The following TMEM223 variants were observed in gnomAD, a reference collection of about 807,000 sequenced individuals.
TMEM223 encodes the protein transmembrane protein 223.
TMEM223 carries 14 observed loss-of-function variants against 14.1 expected under a neutral mutation model. That is an observed-to-expected ratio of 0.99 (90% CI 0.66 to 1.55). TMEM223 has a LOEUF of 1.55. TMEM223 is among the 40% of genes most tolerant of loss of function. TMEM223 has a pLI of 0.00. For synonymous variants in TMEM223, 145 were observed against 120.5 expected, an observed-to-expected ratio of 1.20 and a Z score of -1.33; for missense variants, 346 against 269.9, an observed-to-expected ratio of 1.28 and a Z score of -1.97.
At chr11:62,775,700 G>C in intron 1 of TMEM223, 1 of 1,472,594 alleles carries the variant, frequency 6.8e-7, no homozygotes, top group Non-Finnish European at 9.1e-7. Context: ...TGGTGTGGAG[G>C]GTGTTGGATC....
At chr11:62,775,877 G>T in intron 1 of TMEM223, 2 of 1,614,066 alleles carry the variant, frequency 1.2e-6, no homozygotes, top group East Asian at 2.2e-5. Context: ...GAGCGATGAG[G>T]TGGCGGCGCT....
At chr11:62,785,265 C>A (rs2084261881), downstream of TMEM223, among the ~76,000 whole-genome samples, 5 of 151,878 alleles carry the variant, frequency 3.3e-5, no homozygotes, top group Admixed American at 3.3e-4. Flanking sequence ...GACCTCGGCT[C>A]ACTGCAACCT....
downstream of TMEM223, among the ~76,000 whole-genome samples, chr11:62,785,695 C>T (rs2084267924): frequency 6.6e-6 from 1 of 151,904 alleles, no homozygotes; most frequent in African/African-American, 2.4e-5. Context: ...CTACTGCGCC[C>T]AGCTAATTTT....
chr11:62,789,911 T>C (rs778598541), downstream of TMEM223: 1 of 1,613,976 alleles, frequency 6.2e-7, no homozygotes, highest in Admixed American at 1.7e-5. Flanking sequence ...AATTTGGTAT[T>C]GTGGTGTGTG....
chr11:62,781,490 G>C (rs905866730), intron 1 of TMEM223, among the ~76,000 whole-genome samples: 1 of 151,662 alleles, frequency 6.6e-6, no homozygotes, highest in African/African-American at 2.4e-5. Context: ...TGGCTAACAC[G>C]GTGAAACCCC....
In TMEM223 at chr11:62,779,829, C is replaced by G. The variant is rs2134710539; in HGVS notation, c.315-5164G>C. Among the ~76,000 whole-genome samples the G allele has an allele frequency of 1.4e-5, 2 of 147,926 alleles. 1 individual carries two copies. The highest frequency in any genetic ancestry group is 4.3e-4 in the South Asian group (2 of 4,660). On this transcript the variant is annotated intron_variant, in intron 1 of 2. Coordinates refer to the TMEM223 transcript ENST00000528367. ...TACAGGGGCATACCACCATGCCTGG[C>G]TAATTTTTGCATTTTTAGTAGAGAT...
At chr11:62,776,553 C>A in intron 1 of TMEM223, 1 of 1,404,440 alleles carries the variant, frequency 7.1e-7, no homozygotes, top group Non-Finnish European at 1.0e-6. Context: ...TGTGGTGAGA[C>A]ATTAAGACCA....
At chr11:62,787,390 C>T (rs1313405114), downstream of TMEM223, 23 of 1,552,740 alleles carry the variant, frequency 1.5e-5, no homozygotes, top group Admixed American at 3.8e-5. Context: ...GGGCTTTGGG[C>T]GGGGTGCTGC....
chr11:62,781,531 G>A (rs1048991266), intron 1 of TMEM223, among the ~76,000 whole-genome samples: 73 of 151,994 alleles, frequency 4.8e-4, no homozygotes, highest in Non-Finnish European at 8.7e-4. Flanking sequence ...AAAATTAGCC[G>A]GGTGTGGTGG....
At chr11:62,778,237 C>G (rs1389540800) in intron 1 of TMEM223, 2 of 1,613,924 alleles carry the variant, frequency 1.2e-6, no homozygotes, top group East Asian at 2.2e-5. Flanking sequence ...AGGCGGTACT[C>G]TAAGGGGCAA....
At chr11:62,786,719 C>T (rs1219797652), downstream of TMEM223, 6 of 1,612,966 alleles carry the variant, frequency 3.7e-6, no homozygotes, top group South Asian at 1.1e-5. Flanking sequence ...CCGGAGGACC[C>T]TTCTCTTTCG....
At chr11:62,777,155 A>C (rs1488856957) in intron 1 of TMEM223, among the ~76,000 whole-genome samples, 5 of 151,556 alleles carry the variant, frequency 3.3e-5, no homozygotes, top group African/African-American at 4.8e-5. Flanking sequence ...TCAAAAAAAA[A>C]AACAACCAAA....
At chr11:62,779,970 A>ATTTTTTT (rs1263442687) in intron 1 of TMEM223, among the ~76,000 whole-genome samples, 27 of 64,410 alleles carry the variant, frequency 4.2e-4, no homozygotes, top group African/African-American at 1.2e-3. Context: ...ATATATATAT[A>ATTTTTTT]TATATATTTT....
At chr11:62,787,268 C>T (rs1284914122), downstream of TMEM223, 15 of 1,561,598 alleles carry the variant, frequency 9.6e-6, no homozygotes, top group Non-Finnish European at 1.2e-5. Context: ...TGGGCGCTCT[C>T]GGACTACTCG....
chr11:62,777,844 C>T, intron 1 of TMEM223: 1 of 1,094,892 alleles, frequency 9.1e-7, no homozygotes, highest in Non-Finnish European at 1.3e-6. Context: ...CCCAGGCTTC[C>T]ACCACTTTTC....
intron 1 of TMEM223, chr11:62,775,732 G>A (rs2084182047): frequency 5.7e-6 from 9 of 1,567,498 alleles, no homozygotes; most frequent in Non-Finnish European, 6.9e-6. Flanking sequence ...CTCTCCGGGA[G>A]GCTGGGCAGC....
intron 1 of TMEM223, among the ~76,000 whole-genome samples, 179 bp from the exon 2 acceptor site, chr11:62,791,094 T>C (rs2084355856): frequency 6.6e-6 from 1 of 152,036 alleles, no homozygotes; most frequent in South Asian, 2.1e-4. Flanking sequence ...GAGCTCCTGT[T>C]ATACCCAGTA....
chr11:62,787,682 G>C, downstream of TMEM223: 1 of 995,152 alleles, frequency 1.0e-6, no homozygotes, highest in Non-Finnish European at 1.4e-6. Context: ...ATGCAGCGAG[G>C]CTAATCGCGC....
rs1174625874 is a variant in TMEM223, at chr11:62,790,244, TTAG to T, written c.*376_*378del. The T allele has an allele frequency of 3.2e-6, 2 of 625,330 alleles. No homozygotes were observed. The highest frequency in any genetic ancestry group is 2.6e-6 in the Non-Finnish European group (1 of 381,076). The allele number at this position is 625,330 out of a possible 1,614,324, so 38.7% of individuals were successfully genotyped here. A position where few individuals can be genotyped will look rare whatever the true frequency, so the allele number is the denominator to read the frequency against. On this transcript the variant is annotated 3_prime_UTR_variant, in exon 2 of 2. Coordinates refer to ENST00000307366, the MANE Select transcript of TMEM223 (RefSeq NM_001080501.3). ...AAAATATTATATTACTGTCTTCATCTTAGTAGTGAGTTTTTGATGTTAAAGTAC... is the reference window on the plus strand; with the variant it reads ...AAAATATTATATTACTGTCTTCATCTTAGTGAGTTTTTGATGTTAAAGTAC...
Sources: allele counts gnomAD v4.1 joint callset (sites outside exome capture counted in the v4.1 genomes callset), GRCh38; gene constraint gnomAD v4.1.1; transcripts MANE v1.5; gene names NCBI Gene and HGNC (gene_info 2026-07-23, HGNC 2026-07-21).